Variants in PRRT1B observed in about 807,000 individuals in gnomAD.
PRRT1B encodes dispanin subfamily D member 2.
At chr9:131,550,487 T>A (rs1211700420) in intron 1 of PRRT1B, among the ~76,000 whole-genome samples, 2 of 152,170 alleles carry the variant, frequency 1.3e-5, no homozygotes, top group Non-Finnish European at 2.9e-5. Context: ...TTCTTCCTCA[T>A]CTGTTACCTA....
downstream of PRRT1B, among the ~76,000 whole-genome samples, chr9:131,558,815 A>G (rs1377708193): frequency 6.6e-6 from 1 of 152,184 alleles, no homozygotes; most frequent in Non-Finnish European, 1.5e-5. Context: ...AAAGTGACAC[A>G]TCCGTGCGGA....
chr9:131,558,063 C>T, exon 4 of PRRT1B: 1 of 399,892 alleles, frequency 2.5e-6, no homozygotes, highest in Non-Finnish European at 4.4e-6. Context: ...GCCCGTGCAG[C>T]ACTGGGCAGG....
intron 1 of PRRT1B, among the ~76,000 whole-genome samples, chr9:131,547,634 G>C (rs565088585): frequency 2.8e-4 from 42 of 152,196 alleles, no homozygotes; most frequent in Non-Finnish European, 5.6e-4. Flanking sequence ...TTGGTGCCGT[G>C]ACTCAGATCG....
rs763564092 is a variant in PRRT1B at position 131,556,229 on chromosome 9, G to A, written c.642+16G>A. 2.2e-5 allele frequency: 9 copies of A among 400,810 alleles called. No individual in the cohort carries two copies. The highest frequency in any genetic ancestry group is 6.2e-5 in the African/African-American group (3 of 48,684). The allele number at this position is 400,810 out of a possible 1,614,324, so 24.8% of individuals were successfully genotyped here. A position where few individuals can be genotyped will look rare whatever the true frequency, so the allele number is the denominator to read the frequency against. ...CTCCCACGAGGTAGGTGCGGGGGCG[G>A]CCCTGGGCACAGCCTCTCCTAGCAC... On this transcript the variant is annotated intron_variant, in intron 3 of 3. Coordinates refer to ENST00000636672, the Ensembl canonical transcript of PRRT1B.
At chr9:131,548,703 T>G (rs547160660) in intron 1 of PRRT1B, among the ~76,000 whole-genome samples, 1 of 152,134 alleles carries the variant, frequency 6.6e-6, no homozygotes, top group Non-Finnish European at 1.5e-5. Flanking sequence ...TACAGACCCA[T>G]CTGACCTCTC....
rs1408114330 is a variant in PRRT1B at position 131,551,051 on chromosome 9, T to C, written c.26-3506T>C. On this transcript the variant is annotated intron_variant, in intron 1 of 3. Transcript: ENST00000636672. This position sits in a 1 kb window ranked among gnomAD's most constrained non-coding sequence, Gnocchi z 4.4. ...TCTGCCTCCCGGGTTCACGCCATTC[T>C]TCTGCCTCAGCCTCCCGAGTAGCTG... 6.7e-6 allele frequency among the ~76,000 whole-genome samples: 1 copy of C among 149,150 alleles called. No individual in the cohort carries two copies. Among genetic ancestry groups the C allele is most frequent in the African/African-American group, 2.5e-5 (1 of 40,610 alleles).
At chr9:131,550,460 T>G (rs1310124013) in intron 1 of PRRT1B, among the ~76,000 whole-genome samples, 1 of 152,180 alleles carries the variant, frequency 6.6e-6, no homozygotes, top group Non-Finnish European at 1.5e-5. Flanking sequence ...CCCCCATTAC[T>G]TCAGTCAAGC....
intron 3 of PRRT1B, 58 bp from the exon 4 acceptor site, chr9:131,557,991 TGGGA>T (rs1951061250): frequency 2.5e-6 from 1 of 398,412 alleles, no homozygotes; most frequent in Non-Finnish European, 4.4e-6. Flanking sequence ...TCAATCGCAC[TGGGA>T]GGGAGTGGGG....
Position 131,558,050 on chromosome 9 carries a change from C to T in PRRT1B, c.643-3C>T, listed in dbSNP as rs1005314879. The T allele has an allele frequency of 8.3e-5, 33 of 399,468 alleles. No individual in the cohort carries two copies. Among genetic ancestry groups the T allele is most frequent in the South Asian group, 6.3e-4 (5 of 7,890 alleles). The allele number at this position is 399,468 out of a possible 1,614,324, so 24.7% of individuals were successfully genotyped here. A position where few individuals can be genotyped will look rare whatever the true frequency, so the allele number is the denominator to read the frequency against. On this transcript the variant is annotated splice_polypyrimidine_tract_variant and splice_region_variant and intron_variant, in intron 3 of 3. Transcript: ENST00000636672. ...CGCCCCCTCCTGCCCTGTCTCGTTG[C>T]AGGCCCGTGCAGCACTGGGCAGGGG...
chr9:131,555,434 G>C (rs1283695734), intron 2 of PRRT1B, among the ~76,000 whole-genome samples: 1 of 152,136 alleles, frequency 6.6e-6, no homozygotes, highest in Non-Finnish European at 1.5e-5. Flanking sequence ...CCAGCACTTT[G>C]GGAGGCCAAG....
intron 1 of PRRT1B, among the ~76,000 whole-genome samples, chr9:131,553,597 C>A (rs1564417363): frequency 6.6e-6 from 1 of 152,190 alleles, no homozygotes; most frequent in Non-Finnish European, 1.5e-5. Context: ...CCGTGGGGGA[C>A]TTCAGGAAGG....
At chr9:131,546,611 T>C (rs1564415440) in intron 1 of PRRT1B, among the ~76,000 whole-genome samples, 1 of 151,368 alleles carries the variant, frequency 6.6e-6, no homozygotes. Context: ...GCTGGAGCGC[T>C]GGCCCCTCCC....
chr9:131,555,247 C>A (rs978458330), intron 2 of PRRT1B, among the ~76,000 whole-genome samples: 3 of 152,228 alleles, frequency 2.0e-5, no homozygotes, highest in Middle Eastern at 3.4e-3. Context: ...ACCGCACAGG[C>A]GTGGAGGGGC....
intron 1 of PRRT1B, among the ~76,000 whole-genome samples, chr9:131,552,278 C>T (rs2132009290): frequency 6.6e-6 from 1 of 152,270 alleles, no homozygotes; most frequent in Admixed American, 6.5e-5. Flanking sequence ...GTGAGGAGGC[C>T]ACAATGTCTG....
At chr9:131,548,713 C>T (rs189490239) in intron 1 of PRRT1B, among the ~76,000 whole-genome samples, 147 of 152,278 alleles carry the variant, frequency 9.7e-4, no homozygotes, top group African/African-American at 3.3e-3. Flanking sequence ...TCTGACCTCT[C>T]CCCTCCTCCC....
chr9:131,547,448 G>C (rs1408646826), intron 1 of PRRT1B, among the ~76,000 whole-genome samples: 1 of 152,000 alleles, frequency 6.6e-6, no homozygotes, highest in African/African-American at 2.4e-5. Context: ...CACCAGAAAA[G>C]AACCCCCTTT....
At chr9:131,559,753 A>G (rs1466435453), downstream of PRRT1B, among the ~76,000 whole-genome samples, 1 of 152,022 alleles carries the variant, frequency 6.6e-6, no homozygotes, top group Non-Finnish European at 1.5e-5. Context: ...TACTCAAACC[A>G]ATAGCAAAGT....
intron 1 of PRRT1B, among the ~76,000 whole-genome samples, chr9:131,552,965 C>A (rs1951021792): frequency 6.6e-6 from 1 of 151,336 alleles, no homozygotes; most frequent in Non-Finnish European, 1.5e-5. Flanking sequence ...GGATTATAGG[C>A]GTGAGCCATT....
chr9:131,554,639 C>G, exon 2 of PRRT1B: 1 of 394,288 alleles, frequency 2.5e-6, no homozygotes, highest in Non-Finnish European at 4.5e-6. Flanking sequence ...CCGAGGATCC[C>G]CAGATGCCCG....
Sources: allele counts gnomAD v4.1 joint callset (sites outside exome capture counted in the v4.1 genomes callset), GRCh38; gene constraint gnomAD v4.1.1; non-coding constraint Gnocchi (gnomAD v3.1); transcripts MANE v1.5; gene names NCBI Gene and HGNC (gene_info 2026-07-23, HGNC 2026-07-21).